Variants in ANTXR1 observed in about 807,000 individuals in gnomAD.
ANTXR1 encodes ANTXR cell adhesion molecule 1.
ANTXR1 carries 19 observed loss-of-function variants against 78.1 expected under a neutral mutation model. The observed-to-expected ratio is 0.24, with a 90% CI of 0.17 to 0.36. The LOEUF (loss-of-function observed/expected upper bound fraction) is 0.36. Among genes scored for constraint, ANTXR1 ranks in the 10% least tolerant of loss-of-function variants. ANTXR1 has a pLI of 1.00. For missense variants in ANTXR1, 518 were observed against 718.6 expected (o/e 0.72, Z 3.19); for synonymous variants, 273 against 260.5 (o/e 1.05, Z -0.46).
At chr2:69,096,282 A>AAGGAAGGAAGGGAGGAAGGG (rs1553362854) in intron 9 of ANTXR1, among the ~76,000 whole-genome samples, 12 of 34,594 alleles carry the variant, frequency 3.5e-4, no homozygotes, top group Admixed American at 4.1e-4. Context: ...GGAAGGAAGG[A>AAGGAAGGAAGGGAGGAAGGG]AGGAAGGGAG....
intron 12 of ANTXR1, among the ~76,000 whole-genome samples, chr2:69,148,153 CACTAAGGGTT>C (rs1673279104): frequency 6.6e-6 from 1 of 152,176 alleles, no homozygotes; most frequent in Admixed American, 6.5e-5. Flanking sequence ...GGGTTAAAGC[CACTAAGGGTT>C]CCCCTGGGCT....
rs1013814668 is a variant in ANTXR1, at chr2:69,137,087, TCCC to T, written c.951+12447_951+12449del. Among the ~76,000 whole-genome samples the T allele has an allele frequency of 2.0e-5, 3 of 152,204 alleles. No individual in the cohort carries two copies. The South Asian group carries it at 6.2e-4, about 32-fold the overall frequency. On this transcript the variant is annotated intron_variant, in intron 12 of 17. Coordinates refer to ENST00000303714, the MANE Select transcript of ANTXR1 (RefSeq NM_032208.3). ...ATTGTAAAATGTGTACATTTTATTC[TCCC>T]CCATTTTTATCACCAACTAAAATTT...
At chr2:69,048,550 G>A (rs889458351) in intron 3 of ANTXR1, among the ~76,000 whole-genome samples, 9 of 151,986 alleles carry the variant, frequency 5.9e-5, no homozygotes, top group African/African-American at 1.7e-4. Context: ...AAGGTACAAG[G>A]TCAACATCCA....
chr2:69,082,178 C>A (rs1670916994), intron 8 of ANTXR1, among the ~76,000 whole-genome samples: 1 of 152,164 alleles, frequency 6.6e-6, no homozygotes. Flanking sequence ...GGCAGGGGAG[C>A]ACTTTGCCTC....
intron 10 of ANTXR1, 107 bp from the exon 11 acceptor site, chr2:69,122,909 TG>T: frequency 8.4e-7 from 1 of 1,187,522 alleles, no homozygotes; most frequent in African/African-American, 1.5e-5. Flanking sequence ...AAAAGATTTT[TG>T]TTTTTTTGGT....
intron 9 of ANTXR1, among the ~76,000 whole-genome samples, chr2:69,095,614 T>C (rs1446233019): frequency 1.3e-5 from 2 of 152,150 alleles, no homozygotes; most frequent in African/African-American, 4.8e-5. Context: ...GAGACCACCA[T>C]GGAGGGGTTG....
chr2:69,241,027 A>C (rs533149250), intron 17 of ANTXR1, among the ~76,000 whole-genome samples: 21 of 152,292 alleles, frequency 1.4e-4, no homozygotes, highest in Admixed American at 7.2e-4. Context: ...CTTAGAATTT[A>C]ATCTGAGAAA....
chr2:69,102,814 C>T (rs371847689), intron 9 of ANTXR1, 28 bp from the exon 10 acceptor site: 200 of 1,601,904 alleles, frequency 1.2e-4, no homozygotes, highest in Admixed American at 5.7e-4. Flanking sequence ...GGCCAAGTAA[C>T]GAGTCTCGTC....
At chr2:69,182,366 C>A in intron 15 of ANTXR1, 127 bp from the exon 16 acceptor site, 1 of 1,226,442 alleles carries the variant, frequency 8.2e-7, no homozygotes, top group Non-Finnish European at 1.2e-6. Context: ...TTCCCTGGCC[C>A]TCAAAACCCA....
intron 1 of ANTXR1, among the ~76,000 whole-genome samples, chr2:69,034,042 C>A (rs1157550172): frequency 2.0e-5 from 3 of 152,178 alleles, no homozygotes; most frequent in African/African-American, 7.2e-5. Context: ...ATATTAGACC[C>A]TTGGAAGTAA....
chr2:69,129,655 G>A (rs1218687414), intron 12 of ANTXR1, among the ~76,000 whole-genome samples: 1 of 152,014 alleles, frequency 6.6e-6, no homozygotes, highest in African/African-American at 2.4e-5. Context: ...GGAGGCTGAG[G>A]CAGGAGAATC....
At chr2:69,195,006 A>G (rs374966387) in intron 17 of ANTXR1, among the ~76,000 whole-genome samples, 3 of 152,044 alleles carry the variant, frequency 2.0e-5, no homozygotes, top group South Asian at 2.1e-4. Flanking sequence ...TGTCTCTACT[A>G]AAAATACAAA....
chr2:69,122,174 G>A (rs1672368551), intron 10 of ANTXR1, among the ~76,000 whole-genome samples: 2 of 152,188 alleles, frequency 1.3e-5, no homozygotes. Context: ...CTTGGAACAT[G>A]CCTTTAGTAT....
chr2:69,025,332 A>G (rs1333354234), intron 1 of ANTXR1, among the ~76,000 whole-genome samples: 3 of 152,168 alleles, frequency 2.0e-5, no homozygotes, highest in Non-Finnish European at 4.4e-5. Flanking sequence ...AACAACTCAT[A>G]TTGCATGACA....
intron 10 of ANTXR1, among the ~76,000 whole-genome samples, chr2:69,110,837 G>T (rs564409851): frequency 6.6e-6 from 1 of 152,132 alleles, no homozygotes; most frequent in African/African-American, 2.4e-5. Context: ...ATTCCAGCCC[G>T]GGCGACAGAG....
rs528434852 is a variant in ANTXR1, at chr2:69,181,714, A to G, written c.1090-72A>G. On this transcript the variant is annotated intron_variant, in intron 14 of 17. Transcript: ENST00000303714. ...GACTCTATAAGCTCTACTCCTAATC[A>G]CTTGGCTGTAGTAGGCAGGTCCACA... The G allele has an allele frequency of 7.2e-5, 101 of 1,398,450 alleles. No homozygotes were observed. In the South Asian group the frequency reaches 1.0e-3, roughly 14 times the overall value. 86.6% of individuals were successfully genotyped at this position (1,398,450 alleles called of 1,614,324 possible). A position where few individuals can be genotyped will look rare whatever the true frequency, so the allele number is the denominator to read the frequency against.
At chr2:69,236,784 T>C (rs1418846791) in intron 17 of ANTXR1, among the ~76,000 whole-genome samples, 1 of 152,210 alleles carries the variant, frequency 6.6e-6, no homozygotes, top group Non-Finnish European at 1.5e-5. Flanking sequence ...GGTGCTTCCA[T>C]GTGATAGAAG....
chr2:69,227,058 T>A (rs922332318), intron 17 of ANTXR1, among the ~76,000 whole-genome samples: 10 of 152,220 alleles, frequency 6.6e-5, no homozygotes, highest in African/African-American at 1.9e-4. Flanking sequence ...AACTTCTACA[T>A]GGTCTTGCAA....
At chr2:69,161,908 C>A (rs1288678767) in intron 13 of ANTXR1, among the ~76,000 whole-genome samples, 1 of 152,054 alleles carries the variant, frequency 6.6e-6, no homozygotes, top group Non-Finnish European at 1.5e-5. Flanking sequence ...ACCCAGAAGT[C>A]CCCCAGGACA....
Sources: gnomAD v4.1 joint callset for allele counts (sites outside exome capture counted in the v4.1 genomes callset) on GRCh38, gnomAD v4.1.1 for gene constraint, MANE v1.5 for transcripts, NCBI Gene and HGNC (gene_info 2026-07-23, HGNC 2026-07-21) for gene names.